UGGT2: variants seen among roughly 807,000 people sequenced by gnomAD.
UGGT2 encodes the protein UDP-glucose glycoprotein glucosyltransferase 2.
Under a neutral mutation model 192.1 loss-of-function variants are expected in UGGT2, and 180 were observed. That is an observed-to-expected ratio of 0.94 (90% CI 0.83 to 1.06). The LOEUF is 1.06. Ranked by LOEUF, UGGT2 falls within the 50% of genes least tolerant of loss-of-function variation. The pLI is 0.00. For missense variants in UGGT2, 1,849 were observed against 1,795.7 expected, an observed-to-expected ratio of 1.03 and a Z score of -0.54; for synonymous variants, 580 against 591.0, an observed-to-expected ratio of 0.98 and a Z score of 0.27.
intron 20 of UGGT2, 83 bp downstream of exon 20, chr13:95,925,597 A>C: frequency 1.1e-6 from 1 of 929,752 alleles, no homozygotes. Context: ...ATGGAGGGGA[A>C]AATATTTAAT....
rs1401048634 is a variant in UGGT2 at position 95,863,790 on chromosome 13, T to C, written c.3559-76A>G. On this transcript the variant is annotated intron_variant, in intron 30 of 38. Coordinates refer to ENST00000376747, the MANE Select transcript of UGGT2 (RefSeq NM_020121.4). ...CTGTATGGTTAGAAAGTGAAACATATTGGGCGAGATTACCCATAGAAATCT... is the reference window on the plus strand; with the variant it reads ...CTGTATGGTTAGAAAGTGAAACATACTGGGCGAGATTACCCATAGAAATCT... The C allele has an allele frequency of 1.3e-5, 14 of 1,113,080 alleles. No individual in the cohort carries two copies. In the Middle Eastern group the frequency reaches 5.9e-4, roughly 47 times the overall value. The allele number at this position is 1,113,080 out of a possible 1,614,324, so 69.0% of individuals were successfully genotyped here.
At chr13:95,939,799 T>C (rs1256865817) in intron 16 of UGGT2, among the ~76,000 whole-genome samples, 158 bp downstream of exon 16, 2 of 152,164 alleles carry the variant, frequency 1.3e-5, no homozygotes, top group African/African-American at 4.8e-5. Flanking sequence ...CTTTGACCAA[T>C]ATCTCCCCAA....
intron 29 of UGGT2, among the ~76,000 whole-genome samples, chr13:95,871,124 A>G (rs1283303210): frequency 6.6e-6 from 1 of 152,258 alleles, no homozygotes; most frequent in African/African-American, 2.4e-5. Flanking sequence ...AACTGTGATC[A>G]ATAGTGAATT....
In UGGT2 at chr13:95,877,862, G is replaced by A. The variant is rs2140164967; in HGVS notation, c.3229-6C>T. 2 of 1,607,678 alleles carry A rather than the reference G, an allele frequency of 1.2e-6. No homozygotes were observed. Among genetic ancestry groups the A allele is most frequent in the South Asian group, 1.1e-5 (1 of 89,710 alleles). On this transcript the variant is annotated splice_region_variant and splice_polypyrimidine_tract_variant and intron_variant, in intron 27 of 38. Coordinates refer to ENST00000376747, the MANE Select transcript of UGGT2 (RefSeq NM_020121.4). The stretch of plus-strand genomic sequence containing the variant: ...GCTGTAACAGTTTTCTCAGTCTGTG[G>A]AGGAAGTATGTCATTGTTTTTGGTG...
chr13:95,955,758 T>C (rs1473988909), intron 12 of UGGT2, among the ~76,000 whole-genome samples: 1 of 152,198 alleles, frequency 6.6e-6, no homozygotes. Context: ...CTGCATATTA[T>C]TGTTCATTTT....
chr13:95,878,209 GCTAACTTA>G (rs1413335120), intron 27 of UGGT2, among the ~76,000 whole-genome samples: 1 of 151,928 alleles, frequency 6.6e-6, no homozygotes, highest in Non-Finnish European at 1.5e-5. Context: ...TGGCAAGAAA[GCTAACTTA>G]CTATCTATTG....
At chr13:95,842,843 T>C (rs544205082) in intron 36 of UGGT2, among the ~76,000 whole-genome samples, 116 of 152,324 alleles carry the variant, frequency 7.6e-4, no homozygotes, top group Non-Finnish European at 9.7e-4. Context: ...TGACTTTGCC[T>C]AGCAGTCAAG....
chr13:95,877,427 G>A, intron 28 of UGGT2, 63 bp from the exon 29 acceptor site: 1 of 1,267,636 alleles, frequency 7.9e-7, no homozygotes, highest in East Asian at 2.4e-5. Context: ...AATTGCTCAT[G>A]AATACACGAA....
At chr13:95,898,136 A>G (rs1272320331) in intron 22 of UGGT2, among the ~76,000 whole-genome samples, 2 of 152,068 alleles carry the variant, frequency 1.3e-5, no homozygotes, top group East Asian at 3.9e-4. Flanking sequence ...CCAAGCCACC[A>G]TCATCTCTCA....
intron 5 of UGGT2, among the ~76,000 whole-genome samples, chr13:96,009,010 C>G (rs551804683): frequency 9.2e-5 from 14 of 152,266 alleles, no homozygotes; most frequent in Non-Finnish European, 1.9e-4. Context: ...AGCAACAGAA[C>G]AGAATAGACA....
intron 22 of UGGT2, among the ~76,000 whole-genome samples, chr13:95,899,414 T>A (rs1385399627): frequency 2.0e-5 from 3 of 152,180 alleles, no homozygotes; most frequent in South Asian, 2.1e-4. Flanking sequence ...TCTAGAAGAA[T>A]GTTTGGTTCA....
At chr13:95,902,581 C>T (rs2048137958) in intron 21 of UGGT2, among the ~76,000 whole-genome samples, 1 of 151,864 alleles carries the variant, frequency 6.6e-6, no homozygotes, top group Non-Finnish European at 1.5e-5. Context: ...CGCTTTAACC[C>T]CCAATTCTTC....
intron 20 of UGGT2, among the ~76,000 whole-genome samples, chr13:95,920,414 A>C (rs1392728197): frequency 6.6e-6 from 1 of 152,170 alleles, no homozygotes; most frequent in African/African-American, 2.4e-5. Flanking sequence ...GAGAACACAT[A>C]ATCTATGAAA....
At chr13:96,034,096 A>G (rs186920817) in intron 1 of UGGT2, among the ~76,000 whole-genome samples, 40 of 152,278 alleles carry the variant, frequency 2.6e-4, no homozygotes, top group African/African-American at 9.6e-4. Flanking sequence ...TCTGAAGCCC[A>G]TAAAAACCCC....
intron 12 of UGGT2, among the ~76,000 whole-genome samples, chr13:95,968,724 ACTT>A (rs917604621): frequency 2.9e-4 from 44 of 152,026 alleles, no homozygotes; most frequent in Non-Finnish European, 7.4e-5. Flanking sequence ...AGTCAAGTAA[ACTT>A]CTTTTTTTTA....
At chr13:95,939,900 G>T in intron 16 of UGGT2, 57 bp downstream of exon 16, 1 of 1,344,888 alleles carries the variant, frequency 7.4e-7, no homozygotes, top group Non-Finnish European at 1.0e-6. Flanking sequence ...TAGAGATCAT[G>T]TGGTGTTTGT....
intron 10 of UGGT2, among the ~76,000 whole-genome samples, chr13:95,982,426 C>T (rs1488417805): frequency 1.3e-5 from 2 of 152,162 alleles, no homozygotes; most frequent in African/African-American, 2.4e-5. Flanking sequence ...TCCACATGTA[C>T]AGTAAGAAGC....
chr13:95,949,512 G>T, intron 12 of UGGT2, 58 bp from the exon 13 acceptor site: 1 of 1,363,268 alleles, frequency 7.3e-7, no homozygotes, highest in Non-Finnish European at 9.6e-7. Flanking sequence ...CATTTTCAAA[G>T]CCAGATTTTT....
chr13:95,824,516 G>A (rs74698565), intron 38 of UGGT2, among the ~76,000 whole-genome samples: 3,559 of 151,934 alleles, frequency 0.023, 57 homozygotes, highest in Non-Finnish European at 0.037. Flanking sequence ...TTGTCTTATT[G>A]GATTAATCAA....
Sources: allele counts gnomAD v4.1 joint callset (sites outside exome capture counted in the v4.1 genomes callset), GRCh38; gene constraint gnomAD v4.1.1; transcripts MANE v1.5; gene names NCBI Gene and HGNC (gene_info 2026-07-23, HGNC 2026-07-21).